The following ITGAM variants were observed in gnomAD, a reference collection of about 807,000 sequenced individuals.
ITGAM encodes the protein integrin alpha-M.
Under a neutral mutation model 137.5 loss-of-function variants are expected in ITGAM, and 79 were observed. That is an observed-to-expected ratio of 0.57 (90% CI 0.48 to 0.69). The LOEUF is 0.69. ITGAM is among the 30% of genes least tolerant of loss of function. ITGAM has a pLI of 0.00. For missense variants in ITGAM, 1,343 were observed against 1,483.5 expected (o/e 0.91, Z 1.56); for synonymous variants, 583 against 592.3 (o/e 0.98, Z 0.23).
intron 12 of ITGAM, among the ~76,000 whole-genome samples, chr16:31,289,755 TA>T (rs953256674): frequency 6.6e-6 from 1 of 151,986 alleles, no homozygotes; most frequent in Non-Finnish European, 1.5e-5. Context: ...TAAAGTATAA[TA>T]AAAAAATAAA....
Position 31,331,992 on chromosome 16 carries a change from T to TGCAAGTGTGTGC in ITGAM, c.*286_*297dup. ...GTGTGTGTGCGTGTGTCCATGTGTG[T>TGCAAGTGTGTGC]GCAAGTGTGTGCATGTGTGCGAGTG... On this transcript the variant is annotated 3_prime_UTR_variant, in exon 30 of 30. Coordinates refer to ENST00000544665, the MANE Select transcript of ITGAM (RefSeq NM_000632.4). 2.1e-6 allele frequency: 1 copy of TGCAAGTGTGTGC among 480,232 alleles called. No individual in the cohort carries two copies. Among genetic ancestry groups the TGCAAGTGTGTGC allele is most frequent in the Non-Finnish European group, 3.7e-6 (1 of 268,680 alleles). The allele number at this position is 480,232 out of a possible 1,614,324, so 29.7% of individuals were successfully genotyped here.
At chr16:31,292,325 T>C (rs1001714992) in intron 12 of ITGAM, among the ~76,000 whole-genome samples, 3 of 152,076 alleles carry the variant, frequency 2.0e-5, no homozygotes, top group African/African-American at 7.2e-5. Flanking sequence ...AGTAAACTCA[T>C]GTCATGGGAG....
In ITGAM at chr16:31,266,010, C is replaced by T. The variant is rs1001727472; in HGVS notation, c.310-20C>T. ...GACAGGAAGCAGGGGCAGCCCCTTCCACTGGCTCCTGTCCCCTAGGCCTGT... is the reference window on the plus strand; with the variant it reads ...GACAGGAAGCAGGGGCAGCCCCTTCTACTGGCTCCTGTCCCCTAGGCCTGT... On this transcript the variant is annotated intron_variant, in intron 4 of 29. Transcript: ENST00000544665. 2 of 1,606,474 alleles carry T rather than the reference C, an allele frequency of 1.2e-6. No individual in the cohort carries two copies. Among genetic ancestry groups the T allele is most frequent in the East Asian group, 2.2e-5 (1 of 44,824 alleles).
At chr16:31,274,179 G>A (rs1156517092) in intron 8 of ITGAM, among the ~76,000 whole-genome samples, 1 of 152,170 alleles carries the variant, frequency 6.6e-6, no homozygotes, top group Non-Finnish European at 1.5e-5. Flanking sequence ...AGTGCATCCT[G>A]TTCCCTCAGA....
chr16:31,318,624 G>T (rs545736734), intron 14 of ITGAM, among the ~76,000 whole-genome samples: 1 of 152,140 alleles, frequency 6.6e-6, no homozygotes, highest in Non-Finnish European at 1.5e-5. Context: ...GATTGCAGGC[G>T]TGAGCCACTG....
rs775846282 is a variant in ITGAM at position 31,325,467 on chromosome 16, G to T, written c.2506-33G>T. ...TTCCCCATCCTCACGGCCGGAGGTG[G>T]ATATCACCGCCTTTGCCTCCCCTGC... On this transcript the variant is annotated intron_variant, in intron 20 of 29. Coordinates refer to ENST00000544665, the MANE Select transcript of ITGAM (RefSeq NM_000632.4). 4 of 1,613,514 alleles carry T rather than the reference G, an allele frequency of 2.5e-6. No individual in the cohort carries two copies. The African/African-American group carries it at 5.3e-5, about 22-fold the overall frequency.
At chr16:31,309,544 G>A (rs1697627814) in intron 14 of ITGAM, among the ~76,000 whole-genome samples, 2 of 151,336 alleles carry the variant, frequency 1.3e-5, no homozygotes, top group African/African-American at 2.4e-5. Flanking sequence ...GCCTATGTGT[G>A]TCTCTGCACT....
chr16:31,309,645 C>T (rs1038623170), intron 14 of ITGAM, among the ~76,000 whole-genome samples: 1 of 152,128 alleles, frequency 6.6e-6, no homozygotes, highest in Non-Finnish European at 1.5e-5. Context: ...ACATTAAGCC[C>T]ATTTACATTT....
chr16:31,303,180 G>A (rs60299014), intron 14 of ITGAM, among the ~76,000 whole-genome samples: 5,404 of 151,366 alleles, frequency 0.036, 357 homozygotes, highest in African/African-American at 0.12. Context: ...CTATAGGTGT[G>A]CACCCCCACG....
chr16:31,297,482 G>A (rs763659608), intron 12 of ITGAM, 32 bp from the exon 13 acceptor site: 2 of 1,611,276 alleles, frequency 1.2e-6, no homozygotes, highest in African/African-American at 2.7e-5. Context: ...TAGGTGGGAA[G>A]AGGTGTGTGA....
At chr16:31,297,115 C>T (rs1746182200) in intron 12 of ITGAM, among the ~76,000 whole-genome samples, 1 of 152,164 alleles carries the variant, frequency 6.6e-6, no homozygotes, top group South Asian at 2.1e-4. Flanking sequence ...AATCCTCACT[C>T]ACTGCCCATT....
At chr16:31,305,573 A>G (rs759636856) in intron 14 of ITGAM, among the ~76,000 whole-genome samples, 2 of 152,156 alleles carry the variant, frequency 1.3e-5, no homozygotes, top group African/African-American at 2.4e-5. Flanking sequence ...TCCCCCTTCA[A>G]TATGAAGTTG....
Position 31,306,757 on chromosome 16 carries a change from G to A in ITGAM, c.1707+8803G>A, listed in dbSNP as rs555509825. 5.7e-4 allele frequency among the ~76,000 whole-genome samples: 87 copies of A among 152,100 alleles called. No individual in the cohort carries two copies. In the Middle Eastern group the frequency reaches 0.01, roughly 18 times the overall value. ...GAACTACTGACCTTGTGATCTGCCCGTCTCAGCATCCCAAAGTGCTGGGAT... is the reference window on the plus strand; with the variant it reads ...GAACTACTGACCTTGTGATCTGCCCATCTCAGCATCCCAAAGTGCTGGGAT... On this transcript the variant is annotated intron_variant, in intron 14 of 29. Transcript: ENST00000544665.
chr16:31,265,929 G>A (rs758904109), intron 4 of ITGAM, 48 bp downstream of exon 4: 7 of 1,599,196 alleles, frequency 4.4e-6, no homozygotes, highest in South Asian at 1.1e-5. Flanking sequence ...GTGTTTGGGG[G>A]CCCACGCATG....
At chr16:31,268,557 G>C (rs2079794874) in intron 5 of ITGAM, among the ~76,000 whole-genome samples, 1 of 152,050 alleles carries the variant, frequency 6.6e-6, no homozygotes, top group African/African-American at 2.4e-5. Context: ...TATTCAGGAG[G>C]CCTCCCAAAG....
At position 31,328,195 on chromosome 16, in the gene ITGAM, G is replaced by A. The variant is rs1165402624; in HGVS notation, c.2757G>A (p.Leu919=). The change falls in exon 23 of 30, where the codon CTG becomes CTA. Residue 919 remains leucine, a synonymous_variant. Transcript: ENST00000544665. ...ACAAAACCGAATTCCAACTGGAGCT[G>A]CCGGTGAAATATGCTGTCTACATGG... is the stretch of plus-strand genomic sequence containing the variant. ...RTNKTEFQLE[L]PVKYAVYMVV... 6.2e-7 allele frequency: 1 copy of A among 1,613,858 alleles called. No individual in the cohort carries two copies. Among genetic ancestry groups the A allele is most frequent in the Non-Finnish European group, 8.5e-7 (1 of 1,179,888 alleles).
chr16:31,331,900 T>C lies in ITGAM; in HGVS notation c.*193T>C, dbSNP rs1399497516. 1.6e-5 allele frequency: 9 copies of C among 571,740 alleles called. No homozygotes were observed. Among genetic ancestry groups the C allele is most frequent in the Non-Finnish European group, 2.5e-5 (8 of 323,598 alleles). The allele number at this position is 571,740 out of a possible 1,614,324, so 35.4% of individuals were successfully genotyped here. On this transcript the variant is annotated 3_prime_UTR_variant, in exon 30 of 30. Transcript: ENST00000544665. The stretch of plus-strand genomic sequence containing the variant: ...CTGTGTGCAAGTGTGTGCACATGTG[T>C]GCGTGTGCGTGCATGTGCACTTGCA...
At position 31,329,857 on chromosome 16, in the gene ITGAM, G is replaced by A; in HGVS notation, c.2928G>A (p.Arg976=). 2 of 1,564,898 alleles carry A rather than the reference G, an allele frequency of 1.3e-6. No individual in the cohort carries two copies. Among genetic ancestry groups the A allele is most frequent in the Non-Finnish European group, 8.7e-7 (1 of 1,154,674 alleles). The change falls in exon 25 of 30, where the codon CGG becomes CGA. Residue 976 remains arginine, a synonymous_variant. Transcript: ENST00000544665. ...GCCTGGTGTTCTTGGTGCCCGTCCG[G>A]CTGAACCAGACTGTCATATGGGACC... is the stretch of plus-strand genomic sequence containing the variant. The part of the protein sequence containing the change: ...PISLVFLVPV[R]LNQTVIWDRP...
chr16:31,273,659 T>C (rs1473425081), intron 8 of ITGAM, 141 bp downstream of exon 8: 1 of 769,804 alleles, frequency 1.3e-6, no homozygotes, highest in Non-Finnish European at 2.1e-6. Flanking sequence ...CAGCTATCTG[T>C]TGCCACATCA....
Sources: allele counts gnomAD v4.1 joint callset (sites outside exome capture counted in the v4.1 genomes callset), GRCh38; gene constraint gnomAD v4.1.1; transcripts MANE v1.5; gene names NCBI Gene and HGNC (gene_info 2026-07-23, HGNC 2026-07-21).